Variants in MUC12 observed in about 807,000 individuals in gnomAD.
The protein encoded by MUC12 is mucin-12.
Under a neutral mutation model 230.8 loss-of-function variants are expected in MUC12, and 172 were observed. The observed-to-expected ratio is 0.75, with a 90% confidence interval of 0.66 to 0.85. The LOEUF (loss-of-function observed/expected upper bound fraction) is 0.85. MUC12 is among the 40% of genes least tolerant of loss of function. The probability of loss-of-function intolerance (pLI) is 0.00; values close to 1 mark genes in which losing one functional copy is unlikely to be tolerated. For missense variants in MUC12, 3,506 were observed against 5,920.6 expected (o/e 0.59, Z 13.38); for synonymous variants, 1,259 against 2,401.9 (o/e 0.52, Z 13.91).
At chr7:101,005,544 C>T (rs1461691222) in intron 2 of MUC12, 25 bp downstream of exon 2, 10 of 1,520,182 alleles carry the variant, frequency 6.6e-6, no homozygotes, top group East Asian at 2.5e-5. Context: ...ATTTCATCCA[C>T]GTTTAGCTTC....
rs1216457009 is a variant in MUC12, at chr7:101,004,751, A to T, written c.14188A>T (p.Thr4730Ser). Reference sequence around the variant, plus strand: ...GGAAACAACATTAGCCAGCACTGCCACAACACCAGGCCTCAGTGCAAAATC... The same window carrying T: ...GGAAACAACATTAGCCAGCACTGCCTCAACACCAGGCCTCAGTGCAAAATC... ...SMETTLASTA[T>S]TPGLSAKSTI... The change falls in exon 2 of 12, where the codon ACA becomes TCA. Residue 4730 changes from threonine to serine, a missense_variant. Coordinates refer to ENST00000536621, the MANE Select transcript of MUC12 (RefSeq NM_001164462.2). 9.1e-6 allele frequency: 14 copies of T among 1,536,838 alleles called. No individual in the cohort carries two copies. The highest frequency in any genetic ancestry group is 1.1e-5 in the Non-Finnish European group (13 of 1,146,370).
intron 1 of MUC12, among the ~76,000 whole-genome samples, chr7:100,987,862 T>C (rs35019357): frequency 0.15 from 22,504 of 151,662 alleles, 1,828 homozygotes; most frequent in African/African-American, 0.2. Context: ...TCCCAGCTAC[T>C]TGGGAGGCTG....
intron 1 of MUC12, among the ~76,000 whole-genome samples, chr7:100,974,976 T>C (rs1350761791): frequency 6.6e-6 from 1 of 152,308 alleles, no homozygotes; most frequent in Non-Finnish European, 1.5e-5. Context: ...TCCAGGAGGC[T>C]GTATTGACCG....
In MUC12 at chr7:101,005,141, A is replaced by C. The variant is rs781133481; in HGVS notation, c.14578A>C (p.Thr4860Pro). Residue 4860 changes from threonine (T) to proline (P), a missense_variant, in exon 2 of 12, where the codon ACT (threonine) becomes CCT (proline). By Grantham distance (38) the Thr-to-Pro change is conservative. Coordinates refer to ENST00000536621, the MANE Select transcript of MUC12 (RefSeq NM_001164462.2). ...CACCTTCTACAGCAGCCCAGGCTCA[A>C]CTGAAACCACAGCGTTTTCTCACAG... ...STTFYSSPGS[T>P]ETTAFSHSNT... The C allele has an allele frequency of 1.1e-5, 17 of 1,537,856 alleles. No individual in the cohort carries two copies. Among genetic ancestry groups the C allele is most frequent in the Middle Eastern group, 3.3e-4 (2 of 6,018 alleles).
In MUC12 at chr7:100,995,558, C is replaced by G; in HGVS notation, c.4995C>G (p.Ser1665Arg). 1 of 1,536,706 alleles carries G rather than the reference C, an allele frequency of 6.5e-7. No homozygotes were observed. Among genetic ancestry groups the G allele is most frequent in the Non-Finnish European group, 8.7e-7 (1 of 1,146,978 alleles). ...TTGAAGCATCTACGCCCGTCCACAG[C>G]AGCACTGGATCGCCACACACAACAC... Reference protein sequence around the residue: ...GLLEASTPVHSSTGSPHTTLS... With the variant: ...GLLEASTPVHRSTGSPHTTLS... Residue 1665 changes from serine (S) to arginine (R), a missense_variant, in exon 2 of 12, where the codon AGC becomes AGG. Physicochemically the swap from Ser to Arg is moderately radical, Grantham distance 110. Transcript: ENST00000536621.
chr7:100,993,623 C>T lies in MUC12; in HGVS notation c.3060C>T (p.Thr1020=), dbSNP rs1327576424. 1 of 1,015,024 alleles carries T rather than the reference C, an allele frequency of 9.9e-7. No individual in the cohort carries two copies. The highest frequency in any genetic ancestry group is 2.4e-5 in the Admixed American group (1 of 42,390). The allele number at this position is 1,015,024 out of a possible 1,614,324, so 62.9% of individuals were successfully genotyped here. The change falls in exon 2 of 12, where the codon ACC becomes ACT. Residue 1020 remains threonine, a synonymous_variant. Coordinates refer to ENST00000536621, the MANE Select transcript of MUC12 (RefSeq NM_001164462.2). ...TATAPVEEST[T]YHRSPGSTPT... ...CAGCCCCTGTTGAAGAATCTACAAC[C>T]TACCACCGCAGCCCAGGCTCGACTC...
Position 101,005,054 on chromosome 7 carries a change from T to G in MUC12, c.14491T>G (p.Ser4831Ala). The part of the protein sequence containing the change: ...EFTTPHSQPG[S>A]ALSTVSPAST... ...TACCACCCCTCATAGCCAACCAGGC[T>G]CAGCTCTGTCAACAGTGTCACCTGC... Residue 4831 changes from serine to alanine, a missense_variant, in exon 2 of 12, where the codon TCA (serine) becomes GCA (alanine). Physicochemically the swap from Ser to Ala is moderately conservative, Grantham distance 99. Transcript: ENST00000536621. 6.5e-7 allele frequency: 1 copy of G among 1,537,854 alleles called. No individual in the cohort carries two copies. Among genetic ancestry groups the G allele is most frequent in the Non-Finnish European group, 8.7e-7 (1 of 1,147,054 alleles).
Position 101,004,879 on chromosome 7 carries a change from A to T in MUC12, c.14316A>T (p.Gln4772His). Residue 4772 changes from glutamine (Q) to histidine (H), a missense_variant, in exon 2 of 12, where the codon CAA (glutamine) becomes CAT (histidine). By Grantham distance (24) the Gln-to-His change is conservative (BLOSUM62 0). Coordinates refer to ENST00000536621, the MANE Select transcript of MUC12 (RefSeq NM_001164462.2). Reference protein sequence around the residue: ...ISGEPTSLYSQAESTHTTAFP... With the variant: ...ISGEPTSLYSHAESTHTTAFP... ...GAGAACCCACCAGCTTGTATAGCCA[A>T]GCAGAGTCAACACACACAACAGCGT... The T allele has an allele frequency of 6.5e-7, 1 of 1,537,724 alleles. No homozygotes were observed. Among genetic ancestry groups the T allele is most frequent in the Non-Finnish European group, 8.7e-7 (1 of 1,147,042 alleles).
chr7:101,018,547 T>A (rs1793994922), intron 11 of MUC12, 48 bp from the exon 12 acceptor site: 1 of 1,423,654 alleles, frequency 7.0e-7, no homozygotes, highest in African/African-American at 1.5e-5. Flanking sequence ...GGGCTCCCCC[T>A]TTCCCGGGTC....
chr7:100,984,712 G>A (rs1793162990), intron 1 of MUC12, among the ~76,000 whole-genome samples: 1 of 152,100 alleles, frequency 6.6e-6, no homozygotes, highest in Non-Finnish European at 1.5e-5. Context: ...ATAATCTTAA[G>A]TCCAGGCATG....
At position 101,006,472 on chromosome 7, in the gene MUC12, G is replaced by T. The variant is rs189886544; in HGVS notation, c.14958G>T (p.Gly4986=). Residue 4986 remains glycine, a splice_region_variant and synonymous_variant, in exon 3 of 12, where the codon GGG becomes GGT. Coordinates refer to ENST00000536621, the MANE Select transcript of MUC12 (RefSeq NM_001164462.2). ...STESLETLAP[G]LCQEGQIWNG... is the part of the protein sequence containing the mutation. ...GCTGTGGATTCTATCTCTCCACAGG[G>T]TTGTGCCAGGAAGGACAAATTTGGA... is the stretch of plus-strand genomic sequence containing the variant. 2 of 1,536,774 alleles carry T rather than the reference G, an allele frequency of 1.3e-6. No homozygotes were observed. The highest frequency in any genetic ancestry group is 2.7e-5 in the African/African-American group (2 of 73,130).
At chr7:100,983,058 T>C (rs1211172393) in intron 1 of MUC12, among the ~76,000 whole-genome samples, 1 of 152,082 alleles carries the variant, frequency 6.6e-6, no homozygotes, top group Non-Finnish European at 1.5e-5. Context: ...AGAATGTGCT[T>C]GAATTCTATG....
chr7:100,971,177 C>G (rs1235155544), intron 1 of MUC12, among the ~76,000 whole-genome samples: 1 of 2,642 alleles, frequency 3.8e-4, no homozygotes, highest in Admixed American at 3.4e-3. Context: ...AAAAAAGAAA[C>G]AAACAAAAAA....
chr7:101,013,080 G>A lies in MUC12; in HGVS notation c.15576G>A (p.Thr5192=), dbSNP rs112092593. The change falls in exon 8 of 12, where the codon ACG becomes ACA. Residue 5192 remains threonine, a synonymous_variant. Transcript: ENST00000536621. Reference sequence around the variant, plus strand: ...GTGTGAACAAGTGCACCAAAGGAACGAAGTCGCAAATGAACTGTAACCTGG... The same window carrying A: ...GTGTGAACAAGTGCACCAAAGGAACAAAGTCGCAAATGAACTGTAACCTGG... The part of the protein sequence containing the change: ...LACVNKCTKG[T]KSQMNCNLGT... 4,997 of 1,537,280 alleles carry A rather than the reference G, an allele frequency of 3.3e-3. 129 individuals carry two copies. In the African/African-American group the frequency reaches 0.057, roughly 17 times the overall value.
At position 101,004,955 on chromosome 7, in the gene MUC12, C is replaced by T; in HGVS notation, c.14392C>T (p.His4798Tyr). Residue 4798 changes from histidine to tyrosine, a missense_variant, in exon 2 of 12, where the codon CAC becomes TAC. His to Tyr is a moderately conservative substitution (Grantham distance 83). Coordinates refer to ENST00000536621, the MANE Select transcript of MUC12 (RefSeq NM_001164462.2). Reference sequence around the variant, plus strand: ...CCTCAGTCAGGAATCAACAACTTTCCACAGTAAGCCAGGCTCAACTGAGAC... The same window carrying T: ...CCTCAGTCAGGAATCAACAACTTTCTACAGTAAGCCAGGCTCAACTGAGAC... ...SGLSQESTTF[H>Y]SKPGSTETTL... 1 of 1,537,732 alleles carries T rather than the reference C, an allele frequency of 6.5e-7. No individual in the cohort carries two copies. Among genetic ancestry groups the T allele is most frequent in the Non-Finnish European group, 8.7e-7 (1 of 1,147,026 alleles).
chr7:100,974,772 C>T (rs952658435), intron 1 of MUC12, among the ~76,000 whole-genome samples: 2 of 152,306 alleles, frequency 1.3e-5, no homozygotes, highest in Non-Finnish European at 2.9e-5. Flanking sequence ...CTGCAGTGAG[C>T]TGTGATTGTG....
At chr7:101,018,562 C>T in intron 11 of MUC12, 33 bp from the exon 12 acceptor site, 1 of 1,535,854 alleles carries the variant, frequency 6.5e-7, no homozygotes, top group African/African-American at 1.4e-5. Context: ...CGGGTCTGCC[C>T]CTTGGCCTCA....
chr7:101,004,906 C>G lies in MUC12; in HGVS notation c.14343C>G (p.Phe4781Leu). 1 of 1,537,752 alleles carries G rather than the reference C, an allele frequency of 6.5e-7. No homozygotes were observed. Among genetic ancestry groups the G allele is most frequent in the Non-Finnish European group, 8.7e-7 (1 of 1,147,024 alleles). ...CAGAGTCAACACACACAACAGCGTT[C>G]CCTGCCAGCACCACCACCTCAGGCC... Reference protein sequence around the residue: ...SQAESTHTTAFPASTTTSGLS... With the variant: ...SQAESTHTTALPASTTTSGLS... The change falls in exon 2 of 12, where the codon TTC becomes TTG. Residue 4781 changes from phenylalanine to leucine, a missense_variant. Coordinates refer to ENST00000536621, the MANE Select transcript of MUC12 (RefSeq NM_001164462.2).
Position 101,018,760 on chromosome 7 carries a change from C to A in MUC12, c.*124C>A. The A allele has an allele frequency of 1.0e-6, 1 of 999,290 alleles. No homozygotes were observed. Among genetic ancestry groups the A allele is most frequent in the Non-Finnish European group, 1.4e-6 (1 of 706,054 alleles). 61.9% of individuals were successfully genotyped at this position (999,290 alleles called of 1,614,324 possible). ...GTCAGGCCCTGAAGCCGGTCCTGCT[C>A]TGAGCTGACAGACTTGGCCAGTCCC... On this transcript the variant is annotated 3_prime_UTR_variant, in exon 12 of 12. Coordinates refer to ENST00000536621, the MANE Select transcript of MUC12 (RefSeq NM_001164462.2).
Sources: allele counts gnomAD v4.1 joint callset (sites outside exome capture counted in the v4.1 genomes callset), GRCh38; gene constraint gnomAD v4.1.1; transcripts MANE v1.5; gene names NCBI Gene and HGNC (gene_info 2026-07-23, HGNC 2026-07-21).